The following MMP24 variants were observed in gnomAD, a reference collection of about 807,000 sequenced individuals.
MMP24 encodes matrix metalloproteinase-24.
Under a neutral mutation model 62.8 loss-of-function variants are expected in MMP24, and 25 were observed. The ratio of observed to expected loss-of-function variants is 0.40; its 90% CI spans 0.29 to 0.56. The LOEUF is 0.56. Among genes scored for constraint, MMP24 ranks in the 20% least tolerant of loss-of-function variants. The pLI is 0.50. For synonymous variants in MMP24, 319 were observed against 350.5 expected (o/e 0.91, Z 1.00); for missense variants, 634 against 853.6 (o/e 0.74, Z 3.21).
At chr20:35,258,940 G>T (rs2060588536) in intron 4 of MMP24, among the ~76,000 whole-genome samples, 1 of 151,552 alleles carries the variant, frequency 6.6e-6, no homozygotes, top group Non-Finnish European at 1.5e-5. Context: ...AGCACTTTGG[G>T]AGGCCGAGGG....
At chr20:35,237,350 G>A (rs974719699) in intron 1 of MMP24, among the ~76,000 whole-genome samples, 1 of 152,052 alleles carries the variant, frequency 6.6e-6, no homozygotes, top group Non-Finnish European at 1.5e-5. Flanking sequence ...TTGGCTTGTG[G>A]CCCCTTCTAG....
intron 1 of MMP24, among the ~76,000 whole-genome samples, chr20:35,238,840 C>T (rs1159911531): frequency 1.9e-4 from 29 of 152,196 alleles, no homozygotes; most frequent in Admixed American, 1.9e-3. Flanking sequence ...CTTATTCCCA[C>T]ATGGTTCTTC....
chr20:35,250,133 T>C (rs2060536941), intron 2 of MMP24, among the ~76,000 whole-genome samples: 1 of 152,032 alleles, frequency 6.6e-6, no homozygotes, highest in South Asian at 2.1e-4. Flanking sequence ...TTTGTATCTT[T>C]AGTAGAGATA....
chr20:35,252,088 G>C, intron 3 of MMP24, 67 bp downstream of exon 3: 1 of 1,314,014 alleles, frequency 7.6e-7, no homozygotes, highest in Non-Finnish European at 1.1e-6. Flanking sequence ...CCTGGCCTGA[G>C]TTTCAAAGGC....
chr20:35,251,859 G>T (rs200784212), intron 2 of MMP24, 46 bp from the exon 3 acceptor site: 2 of 1,479,626 alleles, frequency 1.4e-6, no homozygotes, highest in Middle Eastern at 1.7e-4. Flanking sequence ...AAAGTGTTCA[G>T]TGACCACAGT....
intron 4 of MMP24, among the ~76,000 whole-genome samples, chr20:35,255,331 C>CAA (rs11482447): frequency 0.013 from 1,830 of 138,770 alleles, 26 homozygotes; most frequent in African/African-American, 0.045. Flanking sequence ...AACTCCATCT[C>CAA]AAAAAAAAAA....
At chr20:35,266,076 G>A (rs1295663435) in intron 5 of MMP24, among the ~76,000 whole-genome samples, 2 of 146,976 alleles carry the variant, frequency 1.4e-5, no homozygotes, top group African/African-American at 2.5e-5. Context: ...GGTGGCTCAC[G>A]CCTGTAATCC....
rs1367703961 is a variant in MMP24 at position 35,274,079 on chromosome 20, G to A, written c.1601-193G>A. ...TCCTAGCACCCGTAGGATGACAGGC[G>A]GACCACTCCAGGTCCCGGGTGCCCC... On this transcript the variant is annotated intron_variant, in intron 8 of 8. Coordinates refer to ENST00000246186, the MANE Select transcript of MMP24 (RefSeq NM_006690.4). The surrounding 1 kb of genome is among the most constrained non-coding windows in gnomAD (Gnocchi z 5.1). Among the ~76,000 whole-genome samples the A allele has an allele frequency of 1.3e-5, 2 of 152,074 alleles. No homozygotes were observed. The highest frequency in any genetic ancestry group is 2.4e-5 in the African/African-American group (1 of 41,408).
chr20:35,232,861 C>T (rs1017238136), intron 1 of MMP24, among the ~76,000 whole-genome samples: 1 of 152,164 alleles, frequency 6.6e-6, no homozygotes, highest in African/African-American at 2.4e-5. Flanking sequence ...GAGCGACCTG[C>T]TCAGAGCCAT....
At position 35,263,865 on chromosome 20, in the gene MMP24, G is replaced by A. The variant is rs759931721; in HGVS notation, c.892G>A (p.Ala298Thr). The A allele has an allele frequency of 4.3e-6, 7 of 1,612,500 alleles. No individual in the cohort carries two copies. The highest frequency in any genetic ancestry group is 5.1e-6 in the Non-Finnish European group (6 of 1,179,270). ...ACTGGAGCACTCCAGCGACCCCAGC[G>A]CCATCATGGCGCCCTTCTACCAGTA... ...LGLEHSSDPS[A>T]IMAPFYQYME... The change falls in exon 5 of 9, where the codon GCC (alanine) becomes ACC (threonine). Residue 298 changes from alanine to threonine, a missense_variant. By Grantham distance (58) the Ala-to-Thr change is moderately conservative. This residue lies in a region of MMP24 where 399 missense variants were observed against 530.8 expected (regional missense o/e 0.75). Coordinates refer to ENST00000246186, the MANE Select transcript of MMP24 (RefSeq NM_006690.4).
intron 1 of MMP24, 89 bp from the exon 2 acceptor site, chr20:35,246,751 T>C: frequency 6.8e-7 from 1 of 1,478,436 alleles, no homozygotes; most frequent in East Asian, 2.3e-5. Context: ...TGGGGTCAAA[T>C]GATCCCTCGT....
intron 2 of MMP24, among the ~76,000 whole-genome samples, chr20:35,249,527 T>C (rs2060533568): frequency 6.6e-6 from 1 of 152,352 alleles, no homozygotes; most frequent in African/African-American, 2.4e-5. Flanking sequence ...GATTTCTGTG[T>C]TTTGCAAGGT....
intron 6 of MMP24, among the ~76,000 whole-genome samples, chr20:35,268,860 T>C (rs1016716342): frequency 2.0e-5 from 3 of 151,794 alleles, no homozygotes; most frequent in Admixed American, 6.6e-5. Flanking sequence ...ACCCCATCTC[T>C]ACTAAAAATA....
intron 3 of MMP24, among the ~76,000 whole-genome samples, chr20:35,253,467 T>C (rs776459517): frequency 4.0e-5 from 6 of 151,816 alleles, no homozygotes; most frequent in Non-Finnish European, 5.9e-5. Context: ...GTAGAGTGGA[T>C]CAAGAGAAAG....
In MMP24 at chr20:35,242,037, T is replaced by C. The variant is rs753429815; in HGVS notation, c.247-4803T>C. ...CTTTTGGGGATGTCTTGAGGCAGCT[T>C]ACATATTAAAACATAATGTCTTGTG... On this transcript the variant is annotated intron_variant, in intron 1 of 8. Transcript: ENST00000246186. Among the ~76,000 whole-genome samples, 9 of 152,354 alleles carry C rather than the reference T, an allele frequency of 5.9e-5. No individual in the cohort carries two copies. In the East Asian group the frequency reaches 1.7e-3, roughly 29 times the overall value.
At chr20:35,266,826 G>A (rs2060637910) in intron 5 of MMP24, among the ~76,000 whole-genome samples, 1 of 152,138 alleles carries the variant, frequency 6.6e-6, no homozygotes, top group African/African-American at 2.4e-5. Context: ...AGAGCAGTTG[G>A]AGTGGGTGAC....
chr20:35,232,902 C>G (rs1242279099), intron 1 of MMP24, among the ~76,000 whole-genome samples: 1 of 152,106 alleles, frequency 6.6e-6, no homozygotes, highest in Non-Finnish European at 1.5e-5. Context: ...GGAGTTTGTT[C>G]CTGAGTTGTT....
intron 1 of MMP24, among the ~76,000 whole-genome samples, chr20:35,239,579 A>G (rs113240586): frequency 0.051 from 7,829 of 152,218 alleles, 662 homozygotes; most frequent in African/African-American, 0.18. Flanking sequence ...CCAGCACTTT[A>G]TGAGGCCAAG....
In MMP24 at chr20:35,254,527, A is replaced by G. The variant is rs752238538; in HGVS notation, c.590A>G (p.Lys197Arg). Residue 197 changes from lysine to arginine, a missense_variant, in exon 4 of 9, where the codon AAG becomes AGG. Lys to Arg is a conservative substitution (Grantham distance 26, BLOSUM62 2). Transcript: ENST00000246186. ...CGCCAGGCTTTCGATGTGTGGCAGA[A>G]GGTGACCCCACTGACCTTTGAAGAG... ...AIRQAFDVWQ[K>R]VTPLTFEEVP... 1.9e-6 allele frequency: 3 copies of G among 1,614,070 alleles called. No individual in the cohort carries two copies. In the South Asian group the frequency reaches 3.3e-5, roughly 18 times the overall value.
Sources: allele counts gnomAD v4.1 joint callset (sites outside exome capture counted in the v4.1 genomes callset), GRCh38; gene constraint gnomAD v4.1.1; regional missense constraint gnomAD v4.1.1; non-coding constraint Gnocchi (gnomAD v3.1); transcripts MANE v1.5; gene names NCBI Gene and HGNC (gene_info 2026-07-23, HGNC 2026-07-21).